TOGARAM1: variants seen among roughly 807,000 people sequenced by gnomAD.
TOGARAM1 encodes the protein TOG array regulator of axonemal microtubules 1.
TOGARAM1 carries 100 observed loss-of-function variants against 166.6 expected under a neutral mutation model. That is an observed-to-expected ratio of 0.60 (90% confidence interval 0.51 to 0.71). The LOEUF is 0.71. Among genes scored for constraint, TOGARAM1 ranks in the 30% least tolerant of loss-of-function variants. TOGARAM1 has a pLI of 0.00. For synonymous variants in TOGARAM1, 758 were observed against 763.8 expected (o/e 0.99, Z 0.13); for missense variants, 2,029 against 2,102.7 (o/e 0.96, Z 0.69).
chr14:45,003,488 GAACTTAC>G (rs144671535), intron 3 of TOGARAM1, among the ~76,000 whole-genome samples: 7,034 of 152,144 alleles, frequency 0.046, 519 homozygotes, highest in African/African-American at 0.16. Context: ...TAAATTGGCA[GAACTTAC>G]AACTTAAATG....
chr14:45,062,475 G>A (rs1882940471), intron 16 of TOGARAM1, among the ~76,000 whole-genome samples: 1 of 152,078 alleles, frequency 6.6e-6, no homozygotes, highest in Non-Finnish European at 1.5e-5. Context: ...AAATTACAGT[G>A]TTACGGAGAC....
chr14:45,043,479 A>G (rs1050047826), intron 11 of TOGARAM1, among the ~76,000 whole-genome samples: 1 of 152,028 alleles, frequency 6.6e-6, no homozygotes, highest in Non-Finnish European at 1.5e-5. Context: ...CCCAGCCCAC[A>G]TTGCACTTTT....
At chr14:45,030,059 A>G (rs1881070627) in intron 10 of TOGARAM1, among the ~76,000 whole-genome samples, 1 of 152,038 alleles carries the variant, frequency 6.6e-6, no homozygotes, top group Non-Finnish European at 1.5e-5. Context: ...TGACCTCGTG[A>G]TCTGCTCACC....
At position 45,032,394 on chromosome 14, in the gene TOGARAM1, A is replaced by G. The variant is rs73348098; in HGVS notation, c.3812+18A>G. ...GAGGATTGGTAAGTTCACCATCCTT[A>G]ACTTAAAACTAAGCAGAGTTCAAAA... is the stretch of plus-strand genomic sequence containing the variant. On this transcript the variant is annotated intron_variant, in intron 11 of 19. Coordinates refer to ENST00000361462, the MANE Select transcript of TOGARAM1 (RefSeq NM_001308120.2). The G allele has an allele frequency of 1.7e-3, 2,714 of 1,601,336 alleles. 34 individuals carry two copies. The African/African-American group carries it at 0.028, about 16-fold the overall frequency.
In TOGARAM1 at chr14:45,074,088, T is replaced by A. The variant is rs925120809; in HGVS notation, c.*527T>A. On this transcript the variant is annotated 3_prime_UTR_variant, in exon 20 of 20. Coordinates refer to ENST00000361462, the MANE Select transcript of TOGARAM1 (RefSeq NM_001308120.2). ...GCTTGCTTTTGCTGCTGTGTTAATG[T>A]CATATATTTGCTTACCTTTTGGGTT... 1 of 152,692 alleles carries A rather than the reference T, an allele frequency of 6.5e-6. No individual in the cohort carries two copies. The highest frequency in any genetic ancestry group is 2.4e-5 in the African/African-American group (1 of 41,458). The allele number at this position is 152,692 out of a possible 1,614,324, so 9.5% of individuals were successfully genotyped here. A position where few individuals can be genotyped will look rare whatever the true frequency, so the allele number is the denominator to read the frequency against.
chr14:45,006,352 T>A (rs1289846345), intron 5 of TOGARAM1, 85 bp downstream of exon 5: 1 of 963,474 alleles, frequency 1.0e-6, no homozygotes, highest in Non-Finnish European at 1.5e-6. Flanking sequence ...TCAAGTTCTT[T>A]TTATCCTATA....
At chr14:45,038,242 C>T (rs1224623812) in intron 11 of TOGARAM1, among the ~76,000 whole-genome samples, 2 of 152,294 alleles carry the variant, frequency 1.3e-5, no homozygotes, top group East Asian at 1.9e-4. Context: ...TCATGGGATC[C>T]TTAAGGTGTT....
At chr14:44,969,747 G>A (rs1235540381) in intron 1 of TOGARAM1, among the ~76,000 whole-genome samples, 2 of 152,118 alleles carry the variant, frequency 1.3e-5, no homozygotes, top group African/African-American at 4.8e-5. Context: ...TCTGTTTCTA[G>A]ATTCATTTTT....
Position 45,013,599 on chromosome 14 carries a change from A to G in TOGARAM1, c.3238+1524A>G, listed in dbSNP as rs556882703. Among the ~76,000 whole-genome samples, 42 of 152,316 alleles carry G rather than the reference A, an allele frequency of 2.8e-4. No individual in the cohort carries two copies. In the South Asian group the frequency reaches 8.5e-3, roughly 31 times the overall value. On this transcript the variant is annotated intron_variant, in intron 7 of 19. Transcript: ENST00000361462. ...ACACAACTTACTTAACTGCTTTGGA[A>G]CTTAGTTCCCTCATCTGACAACATA...
intron 7 of TOGARAM1, among the ~76,000 whole-genome samples, chr14:45,017,552 T>G (rs1880226220): frequency 6.6e-6 from 1 of 152,210 alleles, no homozygotes; most frequent in South Asian, 2.1e-4. Flanking sequence ...GAATATAATT[T>G]TCCTGTGGTA....
chr14:45,025,924 C>A, intron 8 of TOGARAM1, 52 bp downstream of exon 8: 1 of 881,326 alleles, frequency 1.1e-6, no homozygotes, highest in Non-Finnish European at 1.8e-6. Context: ...CATATAGAAG[C>A]AAAGCCTATC....
intron 1 of TOGARAM1, among the ~76,000 whole-genome samples, chr14:44,973,861 G>T (rs896480227): frequency 3.3e-5 from 5 of 151,496 alleles, no homozygotes; most frequent in Non-Finnish European, 7.4e-5. Context: ...TGGTTTCTGA[G>T]AAGTTAGATG....
intron 7 of TOGARAM1, among the ~76,000 whole-genome samples, chr14:45,023,227 G>A (rs956558272): frequency 4.6e-5 from 7 of 152,176 alleles, no homozygotes; most frequent in Admixed American, 2.6e-4. Context: ...CCCCTCGAGC[G>A]GCATAGGTTT....
At chr14:45,032,033 A>G (rs1333903317) in intron 10 of TOGARAM1, among the ~76,000 whole-genome samples, 190 bp from the exon 11 acceptor site, 2 of 152,028 alleles carry the variant, frequency 1.3e-5, no homozygotes, top group East Asian at 3.9e-4. Context: ...TGTGGTGCGC[A>G]CCTGTAGTCC....
In TOGARAM1 at chr14:45,028,430, AT is replaced by A; in HGVS notation, c.3658+102del. ...GGTAATATATGACTAAGAATGAAAT[AT>A]CTTATATAACACCGAAATTTGCAAG... On this transcript the variant is annotated intron_variant, in intron 10 of 19. Coordinates refer to ENST00000361462, the MANE Select transcript of TOGARAM1 (RefSeq NM_001308120.2). 20 of 1,257,480 alleles carry A rather than the reference AT, an allele frequency of 1.6e-5. 1 individual carries two copies. The South Asian group carries it at 2.5e-4, about 16-fold the overall frequency. 77.9% of individuals were successfully genotyped at this position (1,257,480 alleles called of 1,614,324 possible).
chr14:45,045,581 A>ATG (rs1881982700), intron 13 of TOGARAM1, among the ~76,000 whole-genome samples: 4 of 33,154 alleles, frequency 1.2e-4, no homozygotes, highest in Non-Finnish European at 1.8e-4. Context: ...ATATATATAT[A>ATG]TATGTGTGTG....
chr14:45,045,615 GTGTA>G (rs750225605), intron 13 of TOGARAM1, among the ~76,000 whole-genome samples: 2,755 of 44,240 alleles, frequency 0.062, 160 homozygotes, highest in East Asian at 0.38. Flanking sequence ...GTGTGTGTGT[GTGTA>G]TATATATGTA....
rs1033888749 is a variant in TOGARAM1 at position 45,038,835 on chromosome 14, T to C, written c.3813-4851T>C. 3.9e-5 allele frequency among the ~76,000 whole-genome samples: 6 copies of C among 152,178 alleles called. No individual in the cohort carries two copies. The South Asian group carries it at 1.2e-3, about 32-fold the overall frequency. On this transcript the variant is annotated intron_variant, in intron 11 of 19. Transcript: ENST00000361462. ...CTGAGTCCAAGAAGAATTAGGTATG[T>C]GGACAACTGGAGCAAACCTCCAGTT... is the stretch of plus-strand genomic sequence containing the variant.
intron 7 of TOGARAM1, among the ~76,000 whole-genome samples, chr14:45,019,129 A>G (rs1409533770): frequency 2.6e-5 from 4 of 152,210 alleles, no homozygotes; most frequent in South Asian, 2.1e-4. Flanking sequence ...TATTGGTAGC[A>G]TTACCATTTT....
Sources: gnomAD v4.1 joint callset for allele counts (sites outside exome capture counted in the v4.1 genomes callset) on GRCh38, gnomAD v4.1.1 for gene constraint, MANE v1.5 for transcripts, NCBI Gene and HGNC (gene_info 2026-07-23, HGNC 2026-07-21) for gene names.